The following PLEKHG1 variants were observed in gnomAD, a reference collection of about 807,000 sequenced individuals.
PLEKHG1 encodes the protein pleckstrin homology and RhoGEF domain containing G1, also known as pleckstrin homology domain-containing family G member 1.
PLEKHG1 carries 44 observed loss-of-function variants against 100.8 expected under a neutral mutation model. The observed-to-expected ratio is 0.44, with a 90% CI of 0.34 to 0.56. PLEKHG1 has a LOEUF of 0.56. Among genes scored for constraint, PLEKHG1 ranks in the 20% least tolerant of loss-of-function variants. The probability of loss-of-function intolerance (pLI) is 0.01; values close to 1 mark genes in which losing one functional copy is unlikely to be tolerated. For synonymous variants in PLEKHG1, 640 were observed against 662.5 expected (o/e 0.97, Z 0.52); for missense variants, 1,545 against 1,720.9 (o/e 0.90, Z 1.81).
intron 1 of PLEKHG1, among the ~76,000 whole-genome samples, chr6:150,629,011 C>G (rs1460049745): frequency 1.3e-5 from 2 of 152,188 alleles, no homozygotes; most frequent in East Asian, 1.9e-4. Flanking sequence ...GCCTGGAAGA[C>G]TAGACCTCCA....
intron 10 of PLEKHG1, among the ~76,000 whole-genome samples, chr6:150,812,198 G>A (rs57734653): frequency 0.053 from 8,088 of 152,202 alleles, 740 homozygotes; most frequent in African/African-American, 0.18. Flanking sequence ...GTCAGCCACA[G>A]GTGGAAATTC....
chr6:150,792,675 AAAC>A (rs139993588), intron 4 of PLEKHG1, among the ~76,000 whole-genome samples: 2 of 88,182 alleles, frequency 2.3e-5, no homozygotes, highest in Admixed American at 1.2e-4. Flanking sequence ...CTCCATCTCA[AAAC>A]AACAACAACA....
chr6:150,672,688 C>G (rs1779620515), intron 3 of PLEKHG1, among the ~76,000 whole-genome samples: 1 of 152,098 alleles, frequency 6.6e-6, no homozygotes, highest in Non-Finnish European at 1.5e-5. Flanking sequence ...CATTTCCAAC[C>G]AGGTCATTTT....
chr6:150,620,410 G>A (rs1184078277), intron 1 of PLEKHG1, among the ~76,000 whole-genome samples: 1 of 152,196 alleles, frequency 6.6e-6, no homozygotes. Flanking sequence ...GTCTTGATCA[G>A]GGAAGAGATT....
intron 3 of PLEKHG1, among the ~76,000 whole-genome samples, chr6:150,653,171 C>CAA (rs1778817790): frequency 6.6e-6 from 1 of 152,018 alleles, no homozygotes; most frequent in Non-Finnish European, 1.5e-5. Context: ...ATGATACTTT[C>CAA]AGTGGCCTAT....
chr6:150,607,961 C>G (rs1776672006), intron 1 of PLEKHG1, among the ~76,000 whole-genome samples: 1 of 152,054 alleles, frequency 6.6e-6, no homozygotes, highest in Non-Finnish European at 1.5e-5. Context: ...TTGTAGCTGT[C>G]TATATGAGAT....
chr6:150,813,121 C>G (rs1435133737), intron 10 of PLEKHG1, among the ~76,000 whole-genome samples: 1 of 151,796 alleles, frequency 6.6e-6, no homozygotes, highest in Non-Finnish European at 1.5e-5. Flanking sequence ...CTGGCTAACA[C>G]GGTGAAACCC....
At position 150,770,387 on chromosome 6, in the gene PLEKHG1, T is replaced by G. The variant is rs527785416; in HGVS notation, c.512+1649T>G. ...ATCCTTTAATTCTGAAAGCCTAGGA[T>G]GTAGGAAGTGTCAGTGTTACAACAG... On this transcript the variant is annotated intron_variant, in intron 3 of 15. Transcript: ENST00000358517. Among the ~76,000 whole-genome samples, 27 of 152,324 alleles carry G rather than the reference T, an allele frequency of 1.8e-4. No individual in the cohort carries two copies. In the South Asian group the frequency reaches 5.6e-3, roughly 32 times the overall value.
At chr6:150,807,515 TAATA>T (rs777609931) in intron 7 of PLEKHG1, among the ~76,000 whole-genome samples, 75 of 152,246 alleles carry the variant, frequency 4.9e-4, no homozygotes, top group Non-Finnish European at 8.2e-4. Flanking sequence ...ATTTTTCAAA[TAATA>T]AAATCAGCTT....
chr6:150,706,296 T>C (rs1187234511), intron 3 of PLEKHG1, among the ~76,000 whole-genome samples: 1 of 152,178 alleles, frequency 6.6e-6, no homozygotes, highest in Non-Finnish European at 1.5e-5. Flanking sequence ...TTTGTCTTGA[T>C]GTTCCATCAA....
chr6:150,647,772 G>T (rs1053583292), intron 2 of PLEKHG1, among the ~76,000 whole-genome samples: 8 of 152,014 alleles, frequency 5.3e-5, no homozygotes, highest in Non-Finnish European at 1.2e-4. Flanking sequence ...TTGTACTTAA[G>T]GCCAGACAAT....
At chr6:150,747,757 G>A (rs1056166700) in intron 2 of PLEKHG1, among the ~76,000 whole-genome samples, 4 of 152,042 alleles carry the variant, frequency 2.6e-5, no homozygotes, top group Admixed American at 1.3e-4. Flanking sequence ...TTAGCCAGGC[G>A]TGGTGGCGCA....
chr6:150,669,700 G>A (rs151239948), intron 3 of PLEKHG1, among the ~76,000 whole-genome samples: 2,590 of 150,106 alleles, frequency 0.017, 37 homozygotes, highest in South Asian at 0.069. Context: ...AGGTTCAAAC[G>A]TTTCTCCTGC....
At chr6:150,640,530 C>T (rs1778208541) in intron 2 of PLEKHG1, among the ~76,000 whole-genome samples, 1 of 152,058 alleles carries the variant, frequency 6.6e-6, no homozygotes, top group Non-Finnish European at 1.5e-5. Context: ...TTTTCTACCC[C>T]TTCCTCTCTA....
At chr6:150,784,926 G>A (rs76137203) in intron 3 of PLEKHG1, among the ~76,000 whole-genome samples, 11,003 of 151,870 alleles carry the variant, frequency 0.072, 628 homozygotes, top group Admixed American at 0.19. Flanking sequence ...AACAGAACTA[G>A]TTAAGAAGGC....
intron 4 of PLEKHG1, among the ~76,000 whole-genome samples, chr6:150,788,372 C>G (rs1785758419): frequency 6.6e-6 from 1 of 152,134 alleles, no homozygotes; most frequent in South Asian, 2.1e-4. Flanking sequence ...AATTGGGAGG[C>G]CGTTAATGAA....
chr6:150,817,554 A>AT (rs774464059), intron 10 of PLEKHG1, among the ~76,000 whole-genome samples: 4,549 of 115,564 alleles, frequency 0.039, 293 homozygotes, highest in African/African-American at 0.13. Context: ...AAGAATCTGC[A>AT]TTTTTTTTTT....
intron 1 of PLEKHG1, among the ~76,000 whole-genome samples, chr6:150,619,638 T>G (rs1018520378): frequency 2.0e-5 from 3 of 152,334 alleles, no homozygotes. Context: ...AGGGAGCTTT[T>G]GCAGACATAA....
chr6:150,814,879 C>G (rs1334730757), intron 10 of PLEKHG1, among the ~76,000 whole-genome samples: 1 of 152,062 alleles, frequency 6.6e-6, no homozygotes, highest in East Asian at 1.9e-4. Context: ...ACCACCACAC[C>G]TGGCTAATTT....
Sources: allele counts gnomAD v4.1 joint callset (sites outside exome capture counted in the v4.1 genomes callset), GRCh38; gene constraint gnomAD v4.1.1; transcripts MANE v1.5; gene names NCBI Gene and HGNC (gene_info 2026-07-23, HGNC 2026-07-21).